The following KCNK9 variants were observed in gnomAD, a reference collection of about 807,000 sequenced individuals.
The protein encoded by KCNK9 is potassium two pore domain channel subfamily K member 9, also known as potassium channel subfamily K member 9.
In KCNK9, 1 loss-of-function variant was observed where a neutral mutation model predicts 10.8. That is an observed-to-expected ratio of 0.09 (90% CI 0.03 to 0.44). The LOEUF (loss-of-function observed/expected upper bound fraction) is 0.44, where lower values mean the gene tolerates loss of function less well. Among genes scored for constraint, KCNK9 ranks in the 20% least tolerant of loss-of-function variants. The pLI is 0.97. For missense variants in KCNK9, 303 were observed against 515.0 expected, an observed-to-expected ratio of 0.59 and a Z score of 3.98; for synonymous variants, 231 against 222.7, an observed-to-expected ratio of 1.04 and a Z score of -0.33.
intron 1 of KCNK9, among the ~76,000 whole-genome samples, chr8:139,626,926 A>G (rs1814996023): frequency 6.6e-6 from 1 of 152,228 alleles, no homozygotes; most frequent in Non-Finnish European, 1.5e-5. Flanking sequence ...GCCTGCGGCA[A>G]GCATCCCACT....
At chr8:139,635,874 T>C (rs1815322889) in intron 1 of KCNK9, among the ~76,000 whole-genome samples, 1 of 152,180 alleles carries the variant, frequency 6.6e-6, no homozygotes, top group African/African-American at 2.4e-5. Flanking sequence ...CAGAGCCTGC[T>C]TTTTTTCTAC....
chr8:139,644,716 C>CA (rs1554622174), intron 1 of KCNK9, among the ~76,000 whole-genome samples: 1 of 38,100 alleles, frequency 2.6e-5, no homozygotes, highest in Non-Finnish European at 4.7e-5. Context: ...CCTGCCCTGT[C>CA]CCCCCCCCCC....
At chr8:139,676,640 G>A (rs368899822) in intron 1 of KCNK9, among the ~76,000 whole-genome samples, 5 of 152,262 alleles carry the variant, frequency 3.3e-5, no homozygotes, top group East Asian at 1.9e-4. Flanking sequence ...TGACCTTCAC[G>A]ACACGGAGGC....
intron 1 of KCNK9, among the ~76,000 whole-genome samples, chr8:139,628,563 C>T (rs565843095): frequency 6.6e-6 from 1 of 152,308 alleles, no homozygotes; most frequent in South Asian, 2.1e-4. Flanking sequence ...TCCAAGGCCC[C>T]AGCCCTGAGC....
intron 1 of KCNK9, among the ~76,000 whole-genome samples, chr8:139,657,246 G>T (rs1480835976): frequency 6.6e-6 from 1 of 152,170 alleles, no homozygotes; most frequent in Non-Finnish European, 1.5e-5. Flanking sequence ...CCCTTGGGTG[G>T]GTTGCTGAAC....
chr8:139,676,455 G>A (rs542511253), intron 1 of KCNK9, among the ~76,000 whole-genome samples: 4 of 152,324 alleles, frequency 2.6e-5, no homozygotes, highest in African/African-American at 9.6e-5. Flanking sequence ...ACTCATAAAT[G>A]TTGCCTGATG....
chr8:139,649,307 TAAGCCCTG>T (rs1021362569), intron 1 of KCNK9, among the ~76,000 whole-genome samples: 1 of 152,248 alleles, frequency 6.6e-6, no homozygotes, highest in Non-Finnish European at 1.5e-5. Flanking sequence ...TTTAATTATG[TAAGCCCTG>T]AAGCCTGGGG....
intron 1 of KCNK9, 24 bp from the exon 2 acceptor site, chr8:139,619,123 CAGAG>C (rs1457446642): frequency 3.1e-6 from 5 of 1,612,854 alleles, no homozygotes; most frequent in Non-Finnish European, 4.2e-6. Flanking sequence ...ATGAGAAGAA[CAGAG>C]AGAGCAAGTG....
chr8:139,674,456 G>A (rs1326397136), intron 1 of KCNK9, among the ~76,000 whole-genome samples: 3 of 152,196 alleles, frequency 2.0e-5, no homozygotes, highest in Non-Finnish European at 4.4e-5. Flanking sequence ...AGGGCCAGGT[G>A]GGAGGGCCCC....
chr8:139,636,528 C>A (rs1450122991), intron 1 of KCNK9, among the ~76,000 whole-genome samples: 1 of 152,238 alleles, frequency 6.6e-6, no homozygotes, highest in African/African-American at 2.4e-5. Context: ...CTGCTGCTGA[C>A]CCAATGCTAA....
chr8:139,671,971 G>A (rs1816439044), intron 1 of KCNK9, among the ~76,000 whole-genome samples: 1 of 152,180 alleles, frequency 6.6e-6, no homozygotes, highest in Non-Finnish European at 1.5e-5. Flanking sequence ...AGGCAGATGT[G>A]AAAATGTTAA....
At chr8:139,680,824 T>C (rs756718290) in intron 1 of KCNK9, among the ~76,000 whole-genome samples, 5 of 152,180 alleles carry the variant, frequency 3.3e-5, no homozygotes, top group Non-Finnish European at 7.4e-5. Flanking sequence ...TGCAGAGCCA[T>C]GCCCCCTCTC....
chr8:139,686,766 T>C (rs886286003), intron 1 of KCNK9, among the ~76,000 whole-genome samples: 1 of 152,206 alleles, frequency 6.6e-6, no homozygotes, highest in Admixed American at 6.5e-5. Context: ...AGTGTGTGTA[T>C]ATGCATGTGT....
chr8:139,699,663 C>G (rs1817151803), intron 1 of KCNK9, among the ~76,000 whole-genome samples: 1 of 152,222 alleles, frequency 6.6e-6, no homozygotes, highest in South Asian at 2.1e-4. Context: ...CCGTTCTTCC[C>G]TGGTTATGAC....
intron 1 of KCNK9, among the ~76,000 whole-genome samples, chr8:139,634,269 G>C (rs1815267510): frequency 6.6e-6 from 1 of 152,222 alleles, no homozygotes; most frequent in East Asian, 1.9e-4. Context: ...CCCACCTAAG[G>C]GGGCAGCCAA....
intron 1 of KCNK9, among the ~76,000 whole-genome samples, chr8:139,696,378 A>C (rs933532616): frequency 7.2e-5 from 11 of 152,234 alleles, no homozygotes; most frequent in Non-Finnish European, 1.0e-4. Context: ...CGTTATACTT[A>C]AATAAAAATG....
chr8:139,662,169 G>A (rs1333435435), intron 1 of KCNK9, among the ~76,000 whole-genome samples: 1 of 152,144 alleles, frequency 6.6e-6, no homozygotes, highest in Non-Finnish European at 1.5e-5. Flanking sequence ...TGGGCCTCTG[G>A]GCCTCCCCAT....
At chr8:139,620,996 A>G (rs1368565969) in intron 1 of KCNK9, among the ~76,000 whole-genome samples, 1 of 152,214 alleles carries the variant, frequency 6.6e-6, no homozygotes, top group South Asian at 2.1e-4. Flanking sequence ...AAGTAGCCAA[A>G]TTTAGGTTGG....
intron 1 of KCNK9, among the ~76,000 whole-genome samples, chr8:139,679,683 G>A (rs188510181): frequency 6.6e-6 from 1 of 152,344 alleles, no homozygotes; most frequent in African/African-American, 2.4e-5. Flanking sequence ...GCCTGTATGA[G>A]AGGGTCAGGA....
Sources: allele counts gnomAD v4.1 joint callset (sites outside exome capture counted in the v4.1 genomes callset), GRCh38; gene constraint gnomAD v4.1.1; transcripts MANE v1.5; gene names NCBI Gene and HGNC (gene_info 2026-07-23, HGNC 2026-07-21).